Variants in AGMO observed in about 807,000 individuals in gnomAD.
AGMO encodes the protein glyceryl-ether monooxygenase.
In AGMO, 75 loss-of-function variants were observed where a neutral mutation model predicts 60.2. The observed-to-expected ratio is 1.25, with a 90% confidence interval of 1.03 to 1.51. AGMO has a LOEUF of 1.51. Among genes scored for constraint, AGMO ranks in the 40% most tolerant of loss-of-function variants. The pLI is 0.00. For synonymous variants in AGMO, 261 were observed against 177.1 expected (o/e 1.47, Z -3.76); for missense variants, 763 against 525.5 (o/e 1.45, Z -4.42).
At chr7:15,163,037 C>A in the AGMO span, among the ~76,000 whole-genome samples, 1 of 152,054 alleles carries the variant, frequency 6.6e-6, no homozygotes, top group African/African-American at 2.4e-5. Flanking sequence ...AGCTCATTTA[C>A]CCCCTTGGAT....
chr7:15,348,170 T>C (rs1782103191), intron 12 of AGMO, among the ~76,000 whole-genome samples: 1 of 152,066 alleles, frequency 6.6e-6, no homozygotes, highest in Non-Finnish European at 1.5e-5. Flanking sequence ...AGGAACAGTT[T>C]AGCACAGTCT....
chr7:15,467,132 G>C (rs923889993), intron 3 of AGMO, among the ~76,000 whole-genome samples: 1 of 152,124 alleles, frequency 6.6e-6, no homozygotes, highest in Non-Finnish European at 1.5e-5. Flanking sequence ...ATCCTATTCA[G>C]TGTAATAGTC....
chr7:15,413,626 T>C (rs1780676433), intron 5 of AGMO, among the ~76,000 whole-genome samples: 1 of 152,038 alleles, frequency 6.6e-6, no homozygotes, highest in Admixed American at 6.5e-5. Context: ...AATTGAATTA[T>C]TAGAAAAAAT....
chr7:15,377,396 C>G (rs186371184), intron 10 of AGMO, among the ~76,000 whole-genome samples: 1 of 151,916 alleles, frequency 6.6e-6, no homozygotes, highest in Admixed American at 6.6e-5. Flanking sequence ...TTTTTCATGA[C>G]AGTAGAGAAA....
chr7:15,237,303 C>T (rs908801150), intron 12 of AGMO, among the ~76,000 whole-genome samples: 2 of 152,112 alleles, frequency 1.3e-5, no homozygotes, highest in Non-Finnish European at 2.9e-5. Flanking sequence ...TTTTCAGAAA[C>T]ATTTTCACTA....
the AGMO span, among the ~76,000 whole-genome samples, chr7:15,123,645 T>C: frequency 6.6e-6 from 1 of 152,046 alleles, no homozygotes; most frequent in Admixed American, 6.6e-5. Context: ...TGCTAATCTC[T>C]TCTCTCTCCT....
chr7:15,278,431 G>GGGACT (rs1395278158), intron 12 of AGMO, among the ~76,000 whole-genome samples: 1 of 152,050 alleles, frequency 6.6e-6, no homozygotes, highest in East Asian at 1.9e-4. Context: ...GAGTCCTCAA[G>GGGACT]GGACTGGACT....
chr7:15,336,576 G>A (rs1781669575), intron 12 of AGMO, among the ~76,000 whole-genome samples: 2 of 152,204 alleles, frequency 1.3e-5, no homozygotes, highest in South Asian at 4.1e-4. Flanking sequence ...ATGATTTTGG[G>A]AAATTTCAAT....
At chr7:15,298,980 G>C (rs1391681613) in intron 12 of AGMO, among the ~76,000 whole-genome samples, 4 of 151,810 alleles carry the variant, frequency 2.6e-5, no homozygotes, top group African/African-American at 9.7e-5. Context: ...TCTCGTTATT[G>C]TCCCCCAGGA....
intron 3 of AGMO, among the ~76,000 whole-genome samples, chr7:15,460,372 C>A (rs1782114081): frequency 2.6e-5 from 4 of 152,164 alleles, no homozygotes; most frequent in Non-Finnish European, 5.9e-5. Context: ...ACTTTTGTAT[C>A]AAACCTTAGA....
Position 15,479,249 on chromosome 7 carries a change from A to G in AGMO, c.410-48141T>C, listed in dbSNP as rs74588455. Among the ~76,000 whole-genome samples the G allele has an allele frequency of 7.9e-3, 1,196 of 152,268 alleles. 20 individuals carry two copies. Among genetic ancestry groups the G allele is most frequent in the African/African-American group, 0.027 (1,140 of 41,550 alleles). On this transcript the variant is annotated intron_variant, in intron 3 of 12. Transcript: ENST00000342526. ...TGTGATAACAGAGTTGAAGGTGACA[A>G]AAGTACAATGGGGCAGGGCCAAGAA...
rs79530988 is a variant in AGMO at position 15,302,421 on chromosome 7, T to A, written c.1263+63093A>T. The stretch of plus-strand genomic sequence containing the variant: ...AAGTTGGGGTCTAATAAAGTTGGTA[T>A]GGCAATAAAAGGTATACAGTATTTC... On this transcript the variant is annotated intron_variant, in intron 12 of 12. Coordinates refer to ENST00000342526, the MANE Select transcript of AGMO (RefSeq NM_001004320.2). 1.7e-3 allele frequency among the ~76,000 whole-genome samples: 266 copies of A among 152,328 alleles called. 6 individuals are homozygous for A. The East Asian group carries it at 0.035, about 20-fold the overall frequency.
chr7:15,289,933 T>C (rs1784209876), intron 12 of AGMO, among the ~76,000 whole-genome samples: 1 of 147,852 alleles, frequency 6.8e-6, no homozygotes, highest in South Asian at 2.1e-4. Flanking sequence ...GTATCATTTA[T>C]TCCAGAAATC....
chr7:15,455,655 G>A (rs965288383), intron 3 of AGMO, among the ~76,000 whole-genome samples: 4 of 152,088 alleles, frequency 2.6e-5, no homozygotes, highest in Non-Finnish European at 4.4e-5. Context: ...TCACATGCTT[G>A]ATTGATAGTT....
chr7:15,559,234 G>T (rs1028350306), intron 2 of AGMO, among the ~76,000 whole-genome samples: 1 of 152,078 alleles, frequency 6.6e-6, no homozygotes, highest in African/African-American at 2.4e-5. Context: ...TCCAGGCACA[G>T]GAGCTAAAAC....
the AGMO span, among the ~76,000 whole-genome samples, chr7:15,158,653 T>G: frequency 1.3e-4 from 20 of 152,192 alleles, no homozygotes; most frequent in Non-Finnish European, 2.4e-4. Flanking sequence ...CACAGAGAAC[T>G]TACAATAAAC....
At chr7:15,265,611 T>TA (rs111422194) in intron 12 of AGMO, among the ~76,000 whole-genome samples, 61 of 149,454 alleles carry the variant, frequency 4.1e-4, no homozygotes, top group South Asian at 1.9e-3. Flanking sequence ...TGGATACAAT[T>TA]AAAAAAAAAA....
chr7:15,419,391 C>G (rs564279760), intron 4 of AGMO, among the ~76,000 whole-genome samples: 2 of 151,902 alleles, frequency 1.3e-5, no homozygotes, highest in African/African-American at 4.8e-5. Flanking sequence ...TGGAAAGAAA[C>G]ATTTTATTAA....
chr7:15,508,726 C>T (rs1783593110), intron 3 of AGMO, among the ~76,000 whole-genome samples: 1 of 147,902 alleles, frequency 6.8e-6, no homozygotes, highest in Non-Finnish European at 1.5e-5. Flanking sequence ...GCTTTAACTT[C>T]GTATAGAAAA....
Sources: gnomAD v4.1 joint callset for allele counts (sites outside exome capture counted in the v4.1 genomes callset) on GRCh38, gnomAD v4.1.1 for gene constraint, MANE v1.5 for transcripts, NCBI Gene and HGNC (gene_info 2026-07-23, HGNC 2026-07-21) for gene names.